The following CLDN1 variants were observed in gnomAD, a reference collection of about 807,000 sequenced individuals.
CLDN1 encodes the protein claudin 1.
In CLDN1, 12 loss-of-function variants were observed where a neutral mutation model predicts 22.6. The observed-to-expected ratio is 0.53, with a 90% CI of 0.34 to 0.86. CLDN1 has a LOEUF of 0.86. CLDN1 is among the 40% of genes least tolerant of loss of function. CLDN1 has a pLI of 0.02. For synonymous variants in CLDN1, 99 were observed against 103.8 expected (o/e 0.95, Z 0.28); for missense variants, 250 against 269.5 (o/e 0.93, Z 0.51).
chr3:190,310,055 G>T, intron 3 of CLDN1, 114 bp downstream of exon 3: 2 of 825,678 alleles, frequency 2.4e-6, no homozygotes, highest in South Asian at 1.4e-5. Context: ...TTGTAGGTTT[G>T]ACATAAAATT....
chr3:190,312,295 A>G (rs1164948529), intron 2 of CLDN1, among the ~76,000 whole-genome samples: 1 of 113,644 alleles, frequency 8.8e-6, no homozygotes, highest in African/African-American at 5.1e-5. Context: ...ATTTAAAGGT[A>G]TTTCTGTATT....
At chr3:190,318,914 A>C (rs565678305) in intron 1 of CLDN1, among the ~76,000 whole-genome samples, 1 of 152,326 alleles carries the variant, frequency 6.6e-6, no homozygotes, top group East Asian at 1.9e-4. Flanking sequence ...ACACATGTGG[A>C]TTCATGCAAA....
At chr3:190,315,497 T>C (rs1463575550) in intron 1 of CLDN1, among the ~76,000 whole-genome samples, 1 of 152,174 alleles carries the variant, frequency 6.6e-6, no homozygotes, top group Non-Finnish European at 1.5e-5. Context: ...AGAAGTCATA[T>C]GATTATCTTG....
At chr3:190,318,524 A>G (rs991835186) in intron 1 of CLDN1, among the ~76,000 whole-genome samples, 1 of 152,060 alleles carries the variant, frequency 6.6e-6, no homozygotes, top group African/African-American at 2.4e-5. Flanking sequence ...CATTCCTCCC[A>G]CTCTGCCCTA....
intron 3 of CLDN1, among the ~76,000 whole-genome samples, chr3:190,309,162 A>G (rs540886527): frequency 6.6e-6 from 1 of 152,318 alleles, no homozygotes; most frequent in East Asian, 1.9e-4. Flanking sequence ...CTCTCAAAGC[A>G]GGATAATCCC....
Position 190,317,911 on chromosome 3 carries a change from G to A in CLDN1, c.223+4073C>T, listed in dbSNP as rs868431264. 2.0e-5 allele frequency among the ~76,000 whole-genome samples: 3 copies of A among 152,216 alleles called. No homozygotes were observed. In the South Asian group the frequency reaches 6.2e-4, roughly 32 times the overall value. ...AGATTCCAATTCTCCCTTTGCATCT[G>A]TAGTTGCTTAATAAGTATTAAGTGA... On this transcript the variant is annotated intron_variant, in intron 1 of 3. Transcript: ENST00000295522.
intron 1 of CLDN1, among the ~76,000 whole-genome samples, chr3:190,318,883 A>G (rs948084340): frequency 6.6e-6 from 1 of 152,186 alleles, no homozygotes; most frequent in Admixed American, 6.5e-5. Context: ...ACAGCCACCA[A>G]TACTCATTAA....
At position 190,322,269 on chromosome 3, in the gene CLDN1, G is replaced by T. The variant is rs1716948745; in HGVS notation, c.-63C>A. 6.8e-7 allele frequency: 1 copy of T among 1,478,792 alleles called. No individual in the cohort carries two copies. The highest frequency in any genetic ancestry group is 9.4e-7 in the Non-Finnish European group (1 of 1,067,126). 91.6% of individuals were successfully genotyped at this position (1,478,792 alleles called of 1,614,324 possible). A position where few individuals can be genotyped will look rare whatever the true frequency, so the allele number is the denominator to read the frequency against. Reference sequence around the variant, plus strand: ...GGTGCAGAAGGCGGAGAGTTTGCAGGTGGGCAACCCGGACTCCCGAAGGTG... The same window carrying T: ...GGTGCAGAAGGCGGAGAGTTTGCAGTTGGGCAACCCGGACTCCCGAAGGTG... On this transcript the variant is annotated 5_prime_UTR_variant, in exon 1 of 4. Coordinates refer to ENST00000295522, the MANE Select transcript of CLDN1 (RefSeq NM_021101.5).
chr3:190,319,112 A>C (rs1480472803), intron 1 of CLDN1, among the ~76,000 whole-genome samples: 1 of 152,112 alleles, frequency 6.6e-6, no homozygotes, highest in African/African-American at 2.4e-5. Context: ...ACAGCAACTC[A>C]ATCTTTGGAC....
At chr3:190,313,122 G>T in intron 1 of CLDN1, 86 bp from the exon 2 acceptor site, 1 of 1,488,898 alleles carries the variant, frequency 6.7e-7, no homozygotes, top group Non-Finnish European at 9.3e-7. Context: ...TGTCACTGTT[G>T]TATGGAAGAG....
chr3:190,310,314 A>G, intron 2 of CLDN1, 61 bp from the exon 3 acceptor site: 1 of 1,239,460 alleles, frequency 8.1e-7, no homozygotes, highest in Non-Finnish European at 1.2e-6. Context: ...TAAATACACA[A>G]CCTGTTAAAC....
intron 1 of CLDN1, among the ~76,000 whole-genome samples, chr3:190,314,258 T>C (rs923231957): frequency 2.6e-5 from 4 of 152,228 alleles, no homozygotes; most frequent in Admixed American, 1.3e-4. Context: ...GGCTTAGTGT[T>C]AATATTGTCA....
chr3:190,309,585 G>C (rs143231031), intron 3 of CLDN1, among the ~76,000 whole-genome samples: 1 of 152,164 alleles, frequency 6.6e-6, no homozygotes, highest in Non-Finnish European at 1.5e-5. Context: ...CGAGAGCTAA[G>C]AATCAGCTCA....
intron 1 of CLDN1, among the ~76,000 whole-genome samples, chr3:190,319,075 T>C (rs1049638214): frequency 2.0e-5 from 3 of 152,124 alleles, no homozygotes; most frequent in Non-Finnish European, 4.4e-5. Flanking sequence ...ATTCTCTGCT[T>C]GCACACCTCC....
At chr3:190,312,755 CTA>C (rs1176714805) in intron 2 of CLDN1, 115 bp downstream of exon 2, 1 of 1,125,332 alleles carries the variant, frequency 8.9e-7, no homozygotes, top group Non-Finnish European at 1.3e-6. Context: ...GACTTCAGGT[CTA>C]TGTTTGCAGT....
At position 190,312,864 on chromosome 3, in the gene CLDN1, T is replaced by C. The variant is rs1368942557; in HGVS notation, c.388+8A>G. The C allele has an allele frequency of 6.2e-7, 1 of 1,613,832 alleles. No individual in the cohort carries two copies. The highest frequency in any genetic ancestry group is 1.3e-5 in the African/African-American group (1 of 74,900). On this transcript the variant is annotated splice_region_variant and intron_variant, in intron 2 of 3. Coordinates refer to ENST00000295522, the MANE Select transcript of CLDN1 (RefSeq NM_021101.5). ...AGTAAGGTGAAAGGGGGGCACAGCC[T>C]CTATTACCTGCAAGAAGAAATATCG...
intron 3 of CLDN1, 57 bp from the exon 4 acceptor site, chr3:190,308,496 T>C: frequency 1.3e-6 from 2 of 1,535,742 alleles, no homozygotes; most frequent in South Asian, 1.1e-5. Context: ...ACTTTTCTAA[T>C]ATAATAAAAG....
At chr3:190,318,178 G>T (rs1716819940) in intron 1 of CLDN1, among the ~76,000 whole-genome samples, 1 of 152,180 alleles carries the variant, frequency 6.6e-6, no homozygotes, top group African/African-American at 2.4e-5. Flanking sequence ...GCAAAATCAG[G>T]AGTGAAAATG....
chr3:190,315,786 A>C (rs1716749275), intron 1 of CLDN1, among the ~76,000 whole-genome samples: 1 of 152,206 alleles, frequency 6.6e-6, no homozygotes, highest in African/African-American at 2.4e-5. Flanking sequence ...ACAGAAGGTC[A>C]CTTGCCCAGC....
Sources: allele counts gnomAD v4.1 joint callset (sites outside exome capture counted in the v4.1 genomes callset), GRCh38; gene constraint gnomAD v4.1.1; transcripts MANE v1.5; gene names NCBI Gene and HGNC (gene_info 2026-07-23, HGNC 2026-07-21).